Variants in MSR1 observed in about 807,000 individuals in gnomAD.
The protein encoded by MSR1 is macrophage scavenger receptor 1, also known as macrophage scavenger receptor types I and II.
A neutral mutation model predicts 47.2 loss-of-function variants in MSR1; 53 were observed. The ratio of observed to expected loss-of-function variants is 1.12; its 90% confidence interval spans 0.90 to 1.41. The LOEUF is 1.41. MSR1 is among the 40% of genes most tolerant of loss of function. MSR1 has a pLI of 0.00. For synonymous variants in MSR1, 239 were observed against 185.6 expected, an observed-to-expected ratio of 1.29 and a Z score of -2.34; for missense variants, 786 against 546.9, an observed-to-expected ratio of 1.44 and a Z score of -4.36.
intron 1 of MSR1, 98 bp from the exon 2 acceptor site, chr8:16,178,090 C>T: frequency 4.5e-6 from 4 of 894,948 alleles, no homozygotes; most frequent in East Asian, 2.8e-5. Flanking sequence ...GAAATGGAAT[C>T]TATTCAGTTT....
intron 7 of MSR1, among the ~76,000 whole-genome samples, chr8:16,148,737 G>T (rs925162921): frequency 6.6e-6 from 1 of 152,112 alleles, no homozygotes; most frequent in Non-Finnish European, 1.5e-5. Context: ...TACGATTACA[G>T]GTGTGAGCCA....
At chr8:16,121,419 G>C (rs1171362856) in intron 8 of MSR1, among the ~76,000 whole-genome samples, 1 of 151,822 alleles carries the variant, frequency 6.6e-6, no homozygotes, top group Non-Finnish European at 1.5e-5. Context: ...ATATGAAATG[G>C]CTCTTTTCTA....
In MSR1 at chr8:16,116,586, T is replaced by C. The variant is rs966920366; in HGVS notation, c.1222+3832A>G. Among the ~76,000 whole-genome samples, 8 of 151,592 alleles carry C rather than the reference T, an allele frequency of 5.3e-5. No homozygotes were observed. The East Asian group carries it at 7.7e-4, about 15-fold the overall frequency. Reference sequence around the variant, plus strand: ...CTAAACTCTGTCATTCTATTCCTTATTTAAGTTTAAAAAAAACCATTTTCT... The same window carrying C: ...CTAAACTCTGTCATTCTATTCCTTACTTAAGTTTAAAAAAAACCATTTTCT... On this transcript the variant is annotated intron_variant, in intron 9 of 9. Transcript: ENST00000262101.
In MSR1 at chr8:16,150,140, GTATATATATATATATATA is replaced by G. The variant is rs55913131; in HGVS notation, c.979+73_979+90del. 2.2e-5 allele frequency: 4 copies of G among 178,338 alleles called. 1 individual carries two copies. Among genetic ancestry groups the G allele is most frequent in the Non-Finnish European group, 4.5e-5 (4 of 88,838 alleles). 11.0% of individuals were successfully genotyped at this position (178,338 alleles called of 1,614,324 possible). A position where few individuals can be genotyped will look rare whatever the true frequency, so the allele number is the denominator to read the frequency against. ...TATGTGTGTGTGTATGTGTGTGTGT[GTATATATATATATATATA>G]TATATATATATATAAAATTATCTGG... On this transcript the variant is annotated intron_variant, in intron 7 of 9. Transcript: ENST00000262101.
At chr8:16,178,028 A>G in intron 1 of MSR1, 36 bp from the exon 2 acceptor site, 1 of 1,482,838 alleles carries the variant, frequency 6.7e-7, no homozygotes, top group Non-Finnish European at 9.4e-7. Flanking sequence ...TTAATTCCAC[A>G]TGAAATGGCT....
At chr8:16,151,008 A>T (rs1394154329) in intron 6 of MSR1, among the ~76,000 whole-genome samples, 1 of 152,110 alleles carries the variant, frequency 6.6e-6, no homozygotes, top group Non-Finnish European at 1.5e-5. Context: ...TGGTGATCAT[A>T]ACAACTGTAT....
intron 3 of MSR1, among the ~76,000 whole-genome samples, chr8:16,170,220 C>T (rs535091419): frequency 2.0e-5 from 3 of 151,942 alleles, no homozygotes; most frequent in East Asian, 1.9e-4. Context: ...TGGTGGCGGG[C>T]GCCTGCAGGC....
chr8:16,173,954 T>C (rs1177012546), intron 3 of MSR1, among the ~76,000 whole-genome samples: 1 of 152,024 alleles, frequency 6.6e-6, no homozygotes, highest in African/African-American at 2.4e-5. Flanking sequence ...CAGCTGACTT[T>C]TTTGTTTTTT....
In MSR1 at chr8:16,183,980, C is replaced by T. The variant is rs555935195; in HGVS notation, c.-4-5988G>A. 1.9e-4 allele frequency among the ~76,000 whole-genome samples: 29 copies of T among 148,806 alleles called. No individual in the cohort carries two copies. In the South Asian group the frequency reaches 2.1e-3, roughly 11 times the overall value. On this transcript the variant is annotated intron_variant, in intron 1 of 9. Coordinates refer to ENST00000262101, the MANE Select transcript of MSR1 (RefSeq NM_138715.3). ...GAAGTGGGTAATCAAGGTAGGAATA[C>T]AGAAAAGATGACAATGAATCAGGGT...
intron 5 of MSR1, among the ~76,000 whole-genome samples, chr8:16,155,569 C>T (rs1355635895): frequency 2.0e-5 from 3 of 151,936 alleles, no homozygotes; most frequent in African/African-American, 7.2e-5. Flanking sequence ...GTGATACCCT[C>T]AAGGGAAAGG....
At position 16,168,757 on chromosome 8, in the gene MSR1, G is replaced by C; in HGVS notation, c.331C>G (p.Gln111Glu). The change falls in exon 4 of 10, where the codon CAA (glutamine) becomes GAA (glutamate). Residue 111 changes from glutamine to glutamate, a missense_variant. Coordinates refer to ENST00000262101, the MANE Select transcript of MSR1 (RefSeq NM_138715.3). ...GNDSEEEMRFQEVFMEHMSNM... is the reference protein window; with the variant it reads ...GNDSEEEMRFEEVFMEHMSNM... ...CTCATGTGTTCCATAAAGACTTCTT[G>C]AAATCTCATTTCCTCTTCGCTGTCA... The C allele has an allele frequency of 6.2e-7, 1 of 1,614,100 alleles. No homozygotes were observed. The highest frequency in any genetic ancestry group is 8.5e-7 in the Non-Finnish European group (1 of 1,180,002).
intron 9 of MSR1, 91 bp downstream of exon 9, chr8:16,120,327 A>C (rs1262140633): frequency 7.3e-6 from 10 of 1,367,662 alleles, no homozygotes; most frequent in Non-Finnish European, 1.0e-5. Flanking sequence ...CAGTGAGCCG[A>C]GATCGCGCCA....
intron 1 of MSR1, among the ~76,000 whole-genome samples, chr8:16,184,528 A>T (rs1428258160): frequency 1.3e-5 from 2 of 152,184 alleles, no homozygotes; most frequent in Non-Finnish European, 2.9e-5. Flanking sequence ...CTGGAGAGGC[A>T]TGTAGCCGGT....
chr8:16,174,834 A>G (rs1585188105), intron 3 of MSR1, among the ~76,000 whole-genome samples: 1 of 152,056 alleles, frequency 6.6e-6, no homozygotes, highest in East Asian at 1.9e-4. Flanking sequence ...ACTTCTTCAC[A>G]TTGGCAAAAT....
chr8:16,126,919 T>G (rs1800142330), intron 8 of MSR1, among the ~76,000 whole-genome samples: 1 of 152,020 alleles, frequency 6.6e-6, no homozygotes. Flanking sequence ...AACACCAGAG[T>G]GATAGATTCC....
intron 1 of MSR1, among the ~76,000 whole-genome samples, chr8:16,180,519 C>T (rs182065277): frequency 3.3e-5 from 5 of 152,218 alleles, no homozygotes; most frequent in African/African-American, 7.2e-5. Context: ...GACACAGTTC[C>T]GTTCATGTGA....
In MSR1 at chr8:16,155,110, T is replaced by C. The variant is rs769664756; in HGVS notation, c.852A>G (p.Arg284=). Residue 284 remains arginine (R), a synonymous_variant, in exon 6 of 10, where the codon CGA becomes CGG. Coordinates refer to ENST00000262101, the MANE Select transcript of MSR1 (RefSeq NM_138715.3). ...PPGPPGEKGD[R]GPTGESGPRG... ...GTGGACCACTTTCTCCAGTGGGACCTCGATCTCCTTTTTCACCCGGGGGTC... is the reference window on the plus strand; with the variant it reads ...GTGGACCACTTTCTCCAGTGGGACCCCGATCTCCTTTTTCACCCGGGGGTC... 4 of 1,612,286 alleles carry C rather than the reference T, an allele frequency of 2.5e-6. 1 individual carries two copies. The highest frequency in any genetic ancestry group is 3.4e-6 in the Non-Finnish European group (4 of 1,178,802).
At chr8:16,189,362 TTA>T (rs1377654895) in intron 1 of MSR1, among the ~76,000 whole-genome samples, 2 of 90,340 alleles carry the variant, frequency 2.2e-5, no homozygotes, top group Non-Finnish European at 3.7e-5. Flanking sequence ...TTATATATTT[TTA>T]TATATATTTT....
At chr8:16,153,549 C>T (rs767668722) in intron 6 of MSR1, among the ~76,000 whole-genome samples, 2 of 151,546 alleles carry the variant, frequency 1.3e-5, no homozygotes, top group Non-Finnish European at 2.9e-5. Flanking sequence ...CATGACAAAT[C>T]GTTAATTTAC....
Sources: allele counts gnomAD v4.1 joint callset (sites outside exome capture counted in the v4.1 genomes callset), GRCh38; gene constraint gnomAD v4.1.1; transcripts MANE v1.5; gene names NCBI Gene and HGNC (gene_info 2026-07-23, HGNC 2026-07-21).